PLA2G4F: variants seen among roughly 807,000 people sequenced by gnomAD.
The protein encoded by PLA2G4F is phospholipase A2 group IVF.
Under a neutral mutation model 103.1 loss-of-function variants are expected in PLA2G4F, and 105 were observed. The observed-to-expected ratio is 1.02, with a 90% CI of 0.87 to 1.20. The LOEUF (loss-of-function observed/expected upper bound fraction) is 1.20. PLA2G4F is among the 50% of genes most tolerant of loss of function. The pLI is 0.00. For missense variants in PLA2G4F, 1,155 were observed against 1,075.9 expected (o/e 1.07, Z -1.03); for synonymous variants, 468 against 441.1 (o/e 1.06, Z -0.76).
chr15:42,156,405 G>T, intron 1 of PLA2G4F, 34 bp downstream of exon 1: 1 of 1,530,540 alleles, frequency 6.5e-7, no homozygotes, highest in Non-Finnish European at 8.9e-7. Flanking sequence ...GACTCCCCCA[G>T]TCCGGGTTTC....
Position 42,154,564 on chromosome 15 carries a change from G to A in PLA2G4F, c.185-106C>T, listed in dbSNP as rs2048993482. 2.3e-6 allele frequency: 3 copies of A among 1,320,976 alleles called. No individual in the cohort carries two copies. In the African/African-American group the frequency reaches 4.4e-5, roughly 20 times the overall value. The allele number at this position is 1,320,976 out of a possible 1,614,324, so 81.8% of individuals were successfully genotyped here. A position where few individuals can be genotyped will look rare whatever the true frequency, so the allele number is the denominator to read the frequency against. ...GGAAGGAGCAGAGTGGGGAGGGGAA[G>A]CCGCCCACGTGGCATGGTGGGGTGA... is the stretch of plus-strand genomic sequence containing the variant. On this transcript the variant is annotated intron_variant, in intron 2 of 19. Coordinates refer to ENST00000397272, the MANE Select transcript of PLA2G4F (RefSeq NM_213600.4).
chr15:42,147,276 G>A lies in PLA2G4F; in HGVS notation c.1267C>T (p.Gln423Ter). ...VALQGPIERA[Q>*]VHVCSSKMGA... ...ATCTTACTGCTGCAGACGTGAACCT[G>A]GGCACGCTCAATGGGGCCCTGCAAG... The change falls in exon 13 of 20, where the codon CAG becomes TAG. Residue 423 changes from glutamine to a stop codon, truncating the protein, a stop_gained. Coordinates refer to ENST00000397272, the MANE Select transcript of PLA2G4F (RefSeq NM_213600.4). LOFTEE classifies it high-confidence loss of function. 1 of 1,611,554 alleles carries A rather than the reference G, an allele frequency of 6.2e-7. No individual in the cohort carries two copies. The highest frequency in any genetic ancestry group is 1.1e-5 in the South Asian group (1 of 91,008).
At chr15:42,142,850 C>G in intron 18 of PLA2G4F, 136 bp from the exon 19 acceptor site, 1 of 888,254 alleles carries the variant, frequency 1.1e-6, no homozygotes, top group South Asian at 1.6e-5. Context: ...GTGACAGCTC[C>G]TTTCTGAGCT....
In PLA2G4F at chr15:42,151,631, C is replaced by A. The variant is rs186683738; in HGVS notation, c.602-854G>T. ...CAGCCCCTCCTTGCACTAGATGAGG[C>A]CCGGAGACTCGACATGACCAAGTGT... On this transcript the variant is annotated intron_variant, in intron 7 of 19. Coordinates refer to ENST00000397272, the MANE Select transcript of PLA2G4F (RefSeq NM_213600.4). 7.5e-4 allele frequency: 738 copies of A among 985,300 alleles called. 4 individuals are homozygous for A. In the African/African-American group the frequency reaches 0.012, roughly 16 times the overall value. 61.0% of individuals were successfully genotyped at this position (985,300 alleles called of 1,614,324 possible).
chr15:42,142,793 G>A, intron 18 of PLA2G4F, 79 bp from the exon 19 acceptor site: 1 of 1,432,076 alleles, frequency 7.0e-7, no homozygotes, highest in Non-Finnish European at 9.7e-7. Flanking sequence ...ACACGCCCAG[G>A]CTTCAATGCC....
At chr15:42,143,652 G>A (rs1467397790) in intron 18 of PLA2G4F, among the ~76,000 whole-genome samples, 1 of 152,216 alleles carries the variant, frequency 6.6e-6, no homozygotes, top group Middle Eastern at 3.2e-3. Context: ...CTGGAGTGGG[G>A]AAATCTGTCA....
chr15:42,151,696 T>C (rs2048963989), intron 7 of PLA2G4F: 1 of 967,846 alleles, frequency 1.0e-6, no homozygotes, highest in African/African-American at 1.8e-5. Flanking sequence ...TGATATTTTA[T>C]TCATGCCAAG....
chr15:42,155,423 T>G, intron 2 of PLA2G4F, 94 bp downstream of exon 2: 2 of 1,310,990 alleles, frequency 1.5e-6, no homozygotes, highest in Non-Finnish European at 2.2e-6. Flanking sequence ...TGTATACTCT[T>G]ACACACACAC....
At chr15:42,145,401 G>T (rs911964982) in intron 16 of PLA2G4F, among the ~76,000 whole-genome samples, 174 bp downstream of exon 16, 1 of 152,112 alleles carries the variant, frequency 6.6e-6, no homozygotes, top group Admixed American at 6.5e-5. Flanking sequence ...GGTGTGGCTT[G>T]ATCATACCTC....
chr15:42,155,385 C>T, intron 2 of PLA2G4F, 132 bp downstream of exon 2: 1 of 875,120 alleles, frequency 1.1e-6, no homozygotes, highest in Non-Finnish European at 1.8e-6. Context: ...CATGTATACA[C>T]ACATGCACTC....
intron 7 of PLA2G4F, chr15:42,151,775 G>T: frequency 3.1e-6 from 2 of 648,888 alleles, no homozygotes; most frequent in Non-Finnish European, 3.8e-6. Context: ...TGAGAGAAGC[G>T]GAGTGTCACC....
Position 42,153,680 on chromosome 15 carries a change from G to T in PLA2G4F, c.451-20C>A, listed in dbSNP as rs369203056. Reference sequence around the variant, plus strand: ...TGAATCCTACATGGAGGGGGAGGGAGCACCAATTTTTTCAAGGCTCCAAAA... The same window carrying T: ...TGAATCCTACATGGAGGGGGAGGGATCACCAATTTTTTCAAGGCTCCAAAA... On this transcript the variant is annotated intron_variant, in intron 4 of 19. Transcript: ENST00000397272. The T allele has an allele frequency of 1.1e-5, 18 of 1,613,926 alleles. No homozygotes were observed. The highest frequency in any genetic ancestry group is 1.4e-5 in the Non-Finnish European group (17 of 1,179,920).
Position 42,154,406 on chromosome 15 carries a change from G to T in PLA2G4F, c.237C>A (p.Ser79Arg). The change falls in exon 3 of 20, where the codon AGC becomes AGA. Residue 79 changes from serine to arginine, a missense_variant. Physicochemically the swap from Ser to Arg is moderately radical, Grantham distance 110. Around this residue, in one of 3 missense-constraint regions of PLA2G4F, gnomAD observed 370 missense variants for 364.9 expected, o/e 1.01. Coordinates refer to ENST00000397272, the MANE Select transcript of PLA2G4F (RefSeq NM_213600.4). ...VQLWLPTASP[S>R]PAQTRIVANC... ...TGGCCACTATCCTAGTCTGGGCAGGGCTTGGGGACGCCGTGGGCAGCCACA... is the reference window on the plus strand; with the variant it reads ...TGGCCACTATCCTAGTCTGGGCAGGTCTTGGGGACGCCGTGGGCAGCCACA... 6.2e-7 allele frequency: 1 copy of T among 1,610,452 alleles called. No homozygotes were observed.
chr15:42,144,443 C>T lies in PLA2G4F; in HGVS notation c.1975+7G>A. 6.2e-7 allele frequency: 1 copy of T among 1,611,942 alleles called. No homozygotes were observed. On this transcript the variant is annotated splice_region_variant and intron_variant, in intron 17 of 19. Transcript: ENST00000397272. Reference sequence around the variant, plus strand: ...GCCCCCCATCTCCCACCCAAGGCAGCACCCACCTTTCCAGGCCACGAACTC... The same window carrying T: ...GCCCCCCATCTCCCACCCAAGGCAGTACCCACCTTTCCAGGCCACGAACTC...
At chr15:42,150,562 G>A (rs2048947735) in intron 8 of PLA2G4F, 46 bp downstream of exon 8, 1 of 1,596,686 alleles carries the variant, frequency 6.3e-7, no homozygotes, top group South Asian at 1.1e-5. Context: ...TGGAACGCCA[G>A]TCTGGGCTGA....
In PLA2G4F at chr15:42,143,997, G is replaced by A; in HGVS notation, c.2123C>T (p.Ser708Phe). Residue 708 changes from serine to phenylalanine, a missense_variant, in exon 18 of 20, where the codon TCC (serine) becomes TTC (phenylalanine). Ser to Phe is a radical substitution (Grantham distance 155). Around this residue, in one of 3 missense-constraint regions of PLA2G4F, gnomAD observed 782 missense variants for 692.9 expected, o/e 1.13. Transcript: ENST00000397272. ...AVDLILSFDY[S>F]LEAPFEVLKM... ...GCTCACCTCAAAAGGGGCTTCCAAG[G>A]AATAGTCAAAGGACAGAATGAGGTC... is the stretch of plus-strand genomic sequence containing the variant. 1 of 1,609,800 alleles carries A rather than the reference G, an allele frequency of 6.2e-7. No individual in the cohort carries two copies. The highest frequency in any genetic ancestry group is 1.3e-5 in the African/African-American group (1 of 74,892).
At chr15:42,149,362 G>T in intron 11 of PLA2G4F, 1 of 610,872 alleles carries the variant, frequency 1.6e-6, no homozygotes, top group Non-Finnish European at 2.0e-6. Context: ...ATGAGGACAT[G>T]GCGAGACAGC....
At chr15:42,151,257 G>A in intron 7 of PLA2G4F, 3 of 985,324 alleles carry the variant, frequency 3.0e-6, no homozygotes, top group Non-Finnish European at 3.6e-6. Flanking sequence ...GGGAGAGGAA[G>A]GTTTGTAGAG....
chr15:42,144,105 A>T lies in PLA2G4F; in HGVS notation c.2015T>A (p.Met672Lys), dbSNP rs376799222. The change falls in exon 18 of 20, where the codon ATG (methionine) becomes AAG (lysine). Residue 672 changes from methionine (M) to lysine (K), a missense_variant. This residue lies in a region of PLA2G4F where 782 missense variants were observed against 692.9 expected (regional missense o/e 1.13). Coordinates refer to ENST00000397272, the MANE Select transcript of PLA2G4F (RefSeq NM_213600.4). ...PDAFPNQLTP[M>K]RDCLYLVDGG... ...GTCCACCAGGTACAGGCAGTCCCGCATGGGGGTGAGCTGGTTGGGGAAGGC... is the reference window on the plus strand; with the variant it reads ...GTCCACCAGGTACAGGCAGTCCCGCTTGGGGGTGAGCTGGTTGGGGAAGGC... 9.3e-6 allele frequency: 15 copies of T among 1,613,686 alleles called. No individual in the cohort carries two copies. In the African/African-American group the frequency reaches 1.6e-4, roughly 17 times the overall value.
Sources: gnomAD v4.1 joint callset for allele counts (sites outside exome capture counted in the v4.1 genomes callset) on GRCh38, gnomAD v4.1.1 for gene constraint, gnomAD v4.1.1 regional missense constraint, MANE v1.5 for transcripts, NCBI Gene and HGNC (gene_info 2026-07-23, HGNC 2026-07-21) for gene names.